TFAP2A: variants seen among roughly 807,000 people sequenced by gnomAD.
TFAP2A encodes transcription factor AP-2 alpha.
Under a neutral mutation model 41.5 loss-of-function variants are expected in TFAP2A, and 7 were observed. The ratio of observed to expected loss-of-function variants is 0.17; its 90% confidence interval spans 0.10 to 0.32. The LOEUF is 0.32. TFAP2A is among the 10% of genes least tolerant of loss of function. TFAP2A has a pLI of 1.00. For missense variants in TFAP2A, 416 were observed against 563.3 expected (o/e 0.74, Z 2.65); for synonymous variants, 247 against 242.8 (o/e 1.02, Z -0.16).
In TFAP2A at chr6:10,397,660, T is replaced by C. The variant is rs1308848637; in HGVS notation, c.*757A>G. On this transcript the variant is annotated 3_prime_UTR_variant, in exon 7 of 7. Coordinates refer to ENST00000379613, the MANE Select transcript of TFAP2A (RefSeq NM_001372066.1). The stretch of plus-strand genomic sequence containing the variant: ...CAAGAGGTAAACAAGATCAGATAAA[T>C]AAAAAAAAAAAGGCTTAAAACAGAC... 1 of 161,672 alleles carries C rather than the reference T, an allele frequency of 6.2e-6. No homozygotes were observed. The highest frequency in any genetic ancestry group is 2.5e-5 in the African/African-American group (1 of 39,544). The allele number at this position is 161,672 out of a possible 1,614,324, so 10.0% of individuals were successfully genotyped here.
At position 10,404,749 on chromosome 6, in the gene TFAP2A, C is replaced by CA. The variant is rs1757622584; in HGVS notation, c.539-11dup. 2 of 1,612,602 alleles carry CA rather than the reference C, an allele frequency of 1.2e-6. No individual in the cohort carries two copies. The highest frequency in any genetic ancestry group is 1.7e-6 in the Non-Finnish European group (2 of 1,178,608). On this transcript the variant is annotated splice_polypyrimidine_tract_variant and intron_variant, in intron 3 of 6. Coordinates refer to ENST00000379613, the MANE Select transcript of TFAP2A (RefSeq NM_001372066.1). The stretch of plus-strand genomic sequence containing the variant: ...GACAGGGACACGGGGCCTGCGGAGA[C>CA]AGAGGGGAGGCCGCGTGTTGGGCGT...
intron 1 of TFAP2A, chr6:10,414,707 G>A: frequency 1.5e-6 from 1 of 656,968 alleles, no homozygotes; most frequent in Non-Finnish European, 2.7e-6. Flanking sequence ...TCAGAAAGGG[G>A]AGTAAAGTGG....
intron 2 of TFAP2A, chr6:10,409,613 G>A (rs1757860689): frequency 2.0e-5 from 9 of 442,406 alleles, no homozygotes; most frequent in South Asian, 1.3e-4. Context: ...GTCGTCGAGA[G>A]GAAGATATTG....
intron 1 of TFAP2A, among the ~76,000 whole-genome samples, chr6:10,414,395 C>A (rs1262786998): frequency 6.6e-6 from 1 of 151,716 alleles, no homozygotes; most frequent in Non-Finnish European, 1.5e-5. Context: ...CAGCTCACAG[C>A]GAAGTGTGGG....
At chr6:10,406,972 AT>A in intron 2 of TFAP2A, 128 bp from the exon 3 acceptor site, 2 of 794,098 alleles carry the variant, frequency 2.5e-6, no homozygotes, top group Non-Finnish European at 4.4e-6. Context: ...TGACATTTAT[AT>A]ATAAACATCT....
intron 2 of TFAP2A, among the ~76,000 whole-genome samples, chr6:10,408,633 T>C (rs947921291): frequency 3.3e-5 from 5 of 152,346 alleles, no homozygotes; most frequent in Middle Eastern, 3.4e-3. Flanking sequence ...AACACACATA[T>C]ACAGACATAC....
upstream of TFAP2A, chr6:10,419,554 T>A (rs1390650999): frequency 6.9e-7 from 1 of 1,442,252 alleles, no homozygotes; most frequent in African/African-American, 1.4e-5. Context: ...CTTTTTTACC[T>A]GCTCACCAAC....
intron 3 of TFAP2A, 179 bp downstream of exon 3, chr6:10,406,614 G>A (rs1757724980): frequency 1.6e-6 from 1 of 638,598 alleles, no homozygotes; most frequent in Non-Finnish European, 2.8e-6. Context: ...CTAGCCTGTT[G>A]GCATTACCAA....
intron 1 of TFAP2A, chr6:10,412,629 G>C (rs1382274837): frequency 3.7e-6 from 1 of 273,002 alleles, no homozygotes; most frequent in Non-Finnish European, 7.6e-6. Context: ...GTCGTGCGTA[G>C]CGGGTAGGAG....
At chr6:10,413,767 A>G (rs947261854) in intron 1 of TFAP2A, among the ~76,000 whole-genome samples, 1 of 152,192 alleles carries the variant, frequency 6.6e-6, no homozygotes, top group African/African-American at 2.4e-5. Context: ...CATCGTTCAC[A>G]TAAACCCAAT....
Position 10,397,991 on chromosome 6 carries a change from C to A in TFAP2A, c.*426G>T. On this transcript the variant is annotated 3_prime_UTR_variant, in exon 7 of 7. Coordinates refer to ENST00000379613, the MANE Select transcript of TFAP2A (RefSeq NM_001372066.1). ...AAGGTGGTGACTCAGTCCCATGAAG[C>A]GCATATAATTTTTTTTATTTTCACT... The A allele has an allele frequency of 3.8e-6, 4 of 1,053,314 alleles. No individual in the cohort carries two copies. Among genetic ancestry groups the A allele is most frequent in the Non-Finnish European group, 4.6e-6 (4 of 872,974 alleles). The allele number at this position is 1,053,314 out of a possible 1,614,324, so 65.2% of individuals were successfully genotyped here. A position where few individuals can be genotyped will look rare whatever the true frequency, so the allele number is the denominator to read the frequency against.
intron 1 of TFAP2A, among the ~76,000 whole-genome samples, 180 bp from the exon 2 acceptor site, chr6:10,410,515 C>CA: frequency 6.6e-6 from 1 of 152,150 alleles, no homozygotes; most frequent in Middle Eastern, 3.4e-3. Context: ...ACAGACCGAA[C>CA]AACGCAGAGA....
chr6:10,415,262 T>C (rs1250795350), upstream of TFAP2A: 16 of 1,428,308 alleles, frequency 1.1e-5, no homozygotes, highest in Non-Finnish European at 1.5e-5. Context: ...CTCCCTCTAA[T>C]GGTAGAAACT....
chr6:10,417,684 T>C (rs79899973), upstream of TFAP2A, among the ~76,000 whole-genome samples: 9,577 of 152,208 alleles, frequency 0.063, 388 homozygotes, highest in Non-Finnish European at 0.089. Flanking sequence ...ACGACTCTCT[T>C]TTCTCCGATT....
chr6:10,409,639 G>A, intron 2 of TFAP2A: 1 of 504,384 alleles, frequency 2.0e-6, no homozygotes, highest in Non-Finnish European at 3.6e-6. Flanking sequence ...GGTGACATTC[G>A]TCTGATTTAT....
intron 4 of TFAP2A, among the ~76,000 whole-genome samples, chr6:10,403,976 G>C (rs190363636): frequency 6.6e-6 from 1 of 152,288 alleles, no homozygotes; most frequent in African/African-American, 2.4e-5. Context: ...ATGGCGTGCG[G>C]ACTCAAGAGG....
rs1166534115 is a variant in TFAP2A at position 10,397,943 on chromosome 6, A to G, written c.*474T>C. The G allele has an allele frequency of 1.0e-6, 1 of 990,522 alleles. No individual in the cohort carries two copies. The highest frequency in any genetic ancestry group is 1.8e-5 in the African/African-American group (1 of 56,984). The allele number at this position is 990,522 out of a possible 1,614,324, so 61.4% of individuals were successfully genotyped here. Reference sequence around the variant, plus strand: ...TTTTTTTTTTTTAAGTATGGCTACAATCTGAACTGAAGTATGTAAGGGAAG... The same window carrying G: ...TTTTTTTTTTTTAAGTATGGCTACAGTCTGAACTGAAGTATGTAAGGGAAG... On this transcript the variant is annotated 3_prime_UTR_variant, in exon 7 of 7. Coordinates refer to ENST00000379613, the MANE Select transcript of TFAP2A (RefSeq NM_001372066.1).
At chr6:10,400,632 G>A in intron 5 of TFAP2A, 43 bp from the exon 6 acceptor site, 6 of 1,612,204 alleles carry the variant, frequency 3.7e-6, no homozygotes, top group Non-Finnish European at 5.1e-6. Flanking sequence ...AGAGAATGAA[G>A]AGTGGGGATC....
rs149530212 is a variant in TFAP2A, at chr6:10,407,237, C to T, written c.487-393G>A. ...TTTAGCAATTCCAGTGTTCAGGCAG[C>T]GAAAGCCAGGGAAACACAATAGAAA... On this transcript the variant is annotated intron_variant, in intron 2 of 6. Transcript: ENST00000379613. The T allele has an allele frequency of 5.1e-3, 1,287 of 254,222 alleles. 14 individuals carry two copies. The highest frequency in any genetic ancestry group is 0.027 in the African/African-American group (1,204 of 44,178). The allele number at this position is 254,222 out of a possible 1,614,324, so 15.7% of individuals were successfully genotyped here.
Sources: allele counts gnomAD v4.1 joint callset (sites outside exome capture counted in the v4.1 genomes callset), GRCh38; gene constraint gnomAD v4.1.1; transcripts MANE v1.5; gene names NCBI Gene and HGNC (gene_info 2026-07-23, HGNC 2026-07-21).